ATG10: variants seen among roughly 807,000 people sequenced by gnomAD.
ATG10 encodes autophagy related 10.
In ATG10, 30 loss-of-function variants were observed where a neutral mutation model predicts 32.1. The ratio of observed to expected loss-of-function variants is 0.94; its 90% CI spans 0.70 to 1.27. ATG10 has a LOEUF of 1.27. Ranked by LOEUF, ATG10 falls within the 50% of genes most tolerant of loss-of-function variation. The pLI, the probability that ATG10 is intolerant of heterozygous loss-of-function variation, is 0.00. For missense variants in ATG10, 233 were observed against 262.3 expected (o/e 0.89, Z 0.77); for synonymous variants, 87 against 91.5 (o/e 0.95, Z 0.28).
chr5:82,137,672 C>T (rs1766820737), intron 3 of ATG10, among the ~76,000 whole-genome samples: 1 of 152,142 alleles, frequency 6.6e-6, no homozygotes, highest in Non-Finnish European at 1.5e-5. Flanking sequence ...GAAGTGCCTC[C>T]CAGTGAGGAG....
chr5:81,989,277 C>T lies in ATG10; in HGVS notation c.108+1599C>T, dbSNP rs182544015. Among the ~76,000 whole-genome samples the T allele has an allele frequency of 1.6e-3, 240 of 152,290 alleles. 2 individuals carry two copies. The highest frequency in any genetic ancestry group is 5.4e-3 in the African/African-American group (225 of 41,556). On this transcript the variant is annotated intron_variant, in intron 2 of 7. Transcript: ENST00000282185. Reference sequence around the variant, plus strand: ...TGTTTCCTGTATGCACTCTGAGGAACGAACAGTTTGGGTTGGATTTCCTAT... The same window carrying T: ...TGTTTCCTGTATGCACTCTGAGGAATGAACAGTTTGGGTTGGATTTCCTAT...
At chr5:81,993,379 T>TTTCTTTCCTTCTTTC (rs1561244261) in intron 2 of ATG10, among the ~76,000 whole-genome samples, 4 of 58,374 alleles carry the variant, frequency 6.9e-5, no homozygotes, top group African/African-American at 4.3e-4. Context: ...TTTTCTTTTC[T>TTTCTTTCCTTCTTTC]TTTCTTTTCT....
chr5:82,209,587 T>C (rs1014192692), intron 5 of ATG10, among the ~76,000 whole-genome samples: 1 of 152,224 alleles, frequency 6.6e-6, no homozygotes, highest in Non-Finnish European at 1.5e-5. Flanking sequence ...AAATGTCTGT[T>C]GTTTATAAAC....
At chr5:82,038,647 C>G (rs112340125) in intron 2 of ATG10, among the ~76,000 whole-genome samples, 397 of 152,274 alleles carry the variant, frequency 2.6e-3, no homozygotes, top group African/African-American at 9.0e-3. Context: ...TAAGCTCTTC[C>G]GAGCAGAAGC....
intron 5 of ATG10, among the ~76,000 whole-genome samples, chr5:82,224,624 C>T (rs1297139532): frequency 6.6e-6 from 1 of 151,972 alleles, no homozygotes; most frequent in African/African-American, 2.4e-5. Flanking sequence ...GAAAGAGATG[C>T]TTGTGAAAGC....
At chr5:82,049,319 A>G (rs370118486) in intron 2 of ATG10, among the ~76,000 whole-genome samples, 1 of 148,308 alleles carries the variant, frequency 6.7e-6, no homozygotes, top group South Asian at 2.1e-4. Flanking sequence ...AACACTGCAT[A>G]TTCTCACTCA....
chr5:82,227,981 G>A (rs1746201153), intron 5 of ATG10, among the ~76,000 whole-genome samples: 1 of 152,126 alleles, frequency 6.6e-6, no homozygotes, highest in Non-Finnish European at 1.5e-5. Flanking sequence ...CAAGGTAGGT[G>A]GATTGCTTGA....
intron 3 of ATG10, among the ~76,000 whole-genome samples, chr5:82,067,895 T>A (rs1017710935): frequency 4.6e-5 from 7 of 152,160 alleles, no homozygotes; most frequent in Admixed American, 2.6e-4. Flanking sequence ...GGTATTTTTT[T>A]AAAAATCAAA....
chr5:82,039,537 T>G lies in ATG10; in HGVS notation c.109-18958T>G, dbSNP rs1763024228. 2.0e-5 allele frequency among the ~76,000 whole-genome samples: 3 copies of G among 152,148 alleles called. No individual in the cohort carries two copies. The South Asian group carries it at 6.2e-4, about 32-fold the overall frequency. On this transcript the variant is annotated intron_variant, in intron 2 of 7. Transcript: ENST00000282185. ...ATGAAATGGTAAAAATCACTTAAAA[T>G]GTAGCATACAATTACGGTTGTAATC...
At chr5:82,223,418 T>C (rs900409156) in intron 5 of ATG10, among the ~76,000 whole-genome samples, 3 of 152,234 alleles carry the variant, frequency 2.0e-5, no homozygotes, top group Non-Finnish European at 4.4e-5. Flanking sequence ...TGCATCACTT[T>C]GGTCATATTA....
intron 5 of ATG10, chr5:82,242,658 C>A: frequency 3.4e-6 from 1 of 295,960 alleles, no homozygotes; most frequent in Non-Finnish European, 6.6e-6. Context: ...TAAATGGAAG[C>A]CAGAAGAAAA....
chr5:82,117,956 A>T (rs1033426109), intron 3 of ATG10, among the ~76,000 whole-genome samples: 2 of 152,106 alleles, frequency 1.3e-5, no homozygotes, highest in Non-Finnish European at 2.9e-5. Context: ...TAACAGAGTC[A>T]TGATTGGGCC....
intron 2 of ATG10, among the ~76,000 whole-genome samples, chr5:82,040,694 C>T (rs573284521): frequency 6.6e-6 from 1 of 152,262 alleles, no homozygotes; most frequent in Admixed American, 6.5e-5. Flanking sequence ...GATTAAATTA[C>T]AGATTTTTTT....
At chr5:82,178,363 T>C in intron 4 of ATG10, 127 bp from the exon 5 acceptor site, 1 of 602,122 alleles carries the variant, frequency 1.7e-6, no homozygotes, top group South Asian at 2.2e-5. Flanking sequence ...TCTCTTGATA[T>C]ATAAATAGCA....
At chr5:82,027,025 C>T (rs1048043993) in intron 2 of ATG10, among the ~76,000 whole-genome samples, 3 of 151,816 alleles carry the variant, frequency 2.0e-5, no homozygotes, top group African/African-American at 7.3e-5. Context: ...CACCACTGCA[C>T]TCTAGCCTGG....
rs1197761162 is a variant in ATG10 at position 82,255,692 on chromosome 5, C to T, written c.*1629C>T. Reference sequence around the variant, plus strand: ...TTCCAATCCATACAAGCTGAACTTGCTTCCTAATGTTTGTCTAGGCCTTAC... The same window carrying T: ...TTCCAATCCATACAAGCTGAACTTGTTTCCTAATGTTTGTCTAGGCCTTAC... On this transcript the variant is annotated 3_prime_UTR_variant, in exon 8 of 8. Coordinates refer to ENST00000282185, the MANE Select transcript of ATG10 (RefSeq NM_031482.5). 6.6e-6 allele frequency: 1 copy of T among 152,154 alleles called. No homozygotes were observed. The highest frequency in any genetic ancestry group is 1.5e-5 in the Non-Finnish European group (1 of 68,042). The allele number at this position is 152,154 out of a possible 1,614,324, so 9.4% of individuals were successfully genotyped here.
chr5:82,117,748 G>A lies in ATG10; in HGVS notation c.217-46651G>A, dbSNP rs150421844. Among the ~76,000 whole-genome samples, 15 of 152,204 alleles carry A rather than the reference G, an allele frequency of 9.9e-5. No individual in the cohort carries two copies. In the East Asian group the frequency reaches 2.9e-3, roughly 29 times the overall value. ...CCAGGTATTAGAAAGGAAGATCTCC[G>A]AGAATGAAGGTGTGATATGCTAGAG... On this transcript the variant is annotated intron_variant, in intron 3 of 7. Coordinates refer to ENST00000282185, the MANE Select transcript of ATG10 (RefSeq NM_031482.5).
intron 5 of ATG10, among the ~76,000 whole-genome samples, chr5:82,228,588 A>G (rs1190525067): frequency 6.6e-6 from 1 of 152,218 alleles, no homozygotes; most frequent in Non-Finnish European, 1.5e-5. Flanking sequence ...TGTATTGCAT[A>G]TATTTTTTAA....
chr5:81,975,171 CA>C (rs1760833795), intron 1 of ATG10, among the ~76,000 whole-genome samples: 2 of 152,130 alleles, frequency 1.3e-5, no homozygotes, highest in African/African-American at 4.8e-5. Context: ...GTAATATATG[CA>C]ATTTTAATTA....
Sources: allele counts gnomAD v4.1 joint callset (sites outside exome capture counted in the v4.1 genomes callset), GRCh38; gene constraint gnomAD v4.1.1; transcripts MANE v1.5; gene names NCBI Gene and HGNC (gene_info 2026-07-23, HGNC 2026-07-21).